The following TOPAZ1 variants were observed in gnomAD, a reference collection of about 807,000 sequenced individuals.
TOPAZ1 encodes the protein protein TOPAZ1.
In TOPAZ1, 66 loss-of-function variants were observed where a neutral mutation model predicts 172.2. That is an observed-to-expected ratio of 0.38 (90% CI 0.31 to 0.47). TOPAZ1 has a LOEUF of 0.47. Ranked by LOEUF, TOPAZ1 falls within the 20% of genes least tolerant of loss-of-function variation. TOPAZ1 has a pLI of 0.99. For missense variants in TOPAZ1, 1,822 were observed against 1,972.4 expected, an observed-to-expected ratio of 0.92 and a Z score of 1.44; for synonymous variants, 681 against 683.9, an observed-to-expected ratio of 1.00 and a Z score of 0.07.
At chr3:44,276,023 C>T (rs1699950754) in intron 8 of TOPAZ1, among the ~76,000 whole-genome samples, 2 of 150,920 alleles carry the variant, frequency 1.3e-5, no homozygotes, top group Admixed American at 1.3e-4. Flanking sequence ...CTGTTCATGT[C>T]CTTTGCCCAC....
intron 6 of TOPAZ1, among the ~76,000 whole-genome samples, chr3:44,268,514 C>A (rs1341080411): frequency 2.0e-5 from 3 of 151,786 alleles, no homozygotes; most frequent in Non-Finnish European, 4.4e-5. Context: ...GCTGGGATTA[C>A]AGGCACGCAC....
chr3:44,248,323 C>T (rs1233396397), intron 2 of TOPAZ1, among the ~76,000 whole-genome samples: 1 of 152,180 alleles, frequency 6.6e-6, no homozygotes, highest in Non-Finnish European at 1.5e-5. Context: ...GTGTTTATTT[C>T]AGATAGCTTT....
intron 8 of TOPAZ1, among the ~76,000 whole-genome samples, chr3:44,280,769 T>TG (rs1559535661): frequency 1.3e-5 from 2 of 152,214 alleles, no homozygotes; most frequent in Non-Finnish European, 2.9e-5. Context: ...GCTGAGTCAC[T>TG]GCCATTGGCT....
chr3:44,274,979 A>G (rs1559533810), intron 8 of TOPAZ1, among the ~76,000 whole-genome samples: 4 of 151,624 alleles, frequency 2.6e-5, no homozygotes, highest in South Asian at 4.1e-4. Flanking sequence ...TGTTACATCT[A>G]TGTGTGTGAT....
At chr3:44,308,277 C>G (rs965802803) in intron 15 of TOPAZ1, among the ~76,000 whole-genome samples, 1 of 138,984 alleles carries the variant, frequency 7.2e-6, no homozygotes, top group Non-Finnish European at 1.6e-5. Flanking sequence ...TCCCTCCCCC[C>G]TCCCCCAACC....
At chr3:44,272,500 G>A (rs575962407) in intron 8 of TOPAZ1, among the ~76,000 whole-genome samples, 1 of 152,270 alleles carries the variant, frequency 6.6e-6, no homozygotes, top group Admixed American at 6.5e-5. Flanking sequence ...GATTCATGAT[G>A]TTGAGCCTTT....
chr3:44,290,849 A>G lies in TOPAZ1; in HGVS notation c.3760A>G (p.Lys1254Glu). ...GCTTTTATACCAAGTACAAGCTTCC[A>G]AACAAGAAATAACTGCAGTTCTGGA... is the stretch of plus-strand genomic sequence containing the variant. ...VKLLYQVQAS[K>E]QEITAVLEMK... is the part of the protein sequence containing the mutation. The change falls in exon 12 of 20, where the codon AAA (lysine) becomes GAA (glutamate). Residue 1254 changes from lysine to glutamate, a missense_variant. Coordinates refer to ENST00000309765, the MANE Select transcript of TOPAZ1 (RefSeq NM_001145030.2). 1.3e-6 allele frequency: 2 copies of G among 1,549,668 alleles called. No homozygotes were observed. The highest frequency in any genetic ancestry group is 2.0e-5 in the Admixed American group (1 of 50,268).
chr3:44,263,490 T>C (rs1046232463), intron 5 of TOPAZ1, among the ~76,000 whole-genome samples: 1 of 152,228 alleles, frequency 6.6e-6, no homozygotes, highest in Non-Finnish European at 1.5e-5. Context: ...TCATAATTTC[T>C]ATTTCTTTGT....
At chr3:44,257,986 TA>T (rs965474047) in intron 4 of TOPAZ1, among the ~76,000 whole-genome samples, 22 of 151,240 alleles carry the variant, frequency 1.5e-4, no homozygotes, top group East Asian at 1.4e-3. Flanking sequence ...TTGATAATTC[TA>T]AAAAAAAACA....
At chr3:44,256,456 A>G (rs7639827) in intron 4 of TOPAZ1, among the ~76,000 whole-genome samples, 178 bp downstream of exon 4, 20,348 of 152,196 alleles carry the variant, frequency 0.13, 1,758 homozygotes, top group African/African-American at 0.23. Context: ...AGTATAAAAA[A>G]GATCTTCCTT....
intron 15 of TOPAZ1, among the ~76,000 whole-genome samples, chr3:44,309,017 T>C (rs1490187434): frequency 6.6e-6 from 1 of 152,152 alleles, no homozygotes; most frequent in East Asian, 1.9e-4. Flanking sequence ...TAAGACTTTT[T>C]CACATTTTTA....
intron 12 of TOPAZ1, among the ~76,000 whole-genome samples, chr3:44,299,987 G>C (rs1700250944): frequency 6.6e-6 from 1 of 151,012 alleles, no homozygotes; most frequent in South Asian, 2.1e-4. Flanking sequence ...AGCTTTAGGA[G>C]ATATACCTAA....
chr3:44,330,821 G>A (rs537662507), intron 19 of TOPAZ1, among the ~76,000 whole-genome samples: 3 of 152,314 alleles, frequency 2.0e-5, no homozygotes, highest in East Asian at 3.9e-4. Context: ...CTGACATACC[G>A]TGTGAATTTT....
chr3:44,273,621 C>G (rs546446001), intron 8 of TOPAZ1, among the ~76,000 whole-genome samples: 2 of 152,114 alleles, frequency 1.3e-5, no homozygotes, highest in African/African-American at 4.8e-5. Context: ...CACTGATGTA[C>G]CACCCCCCAT....
Position 44,244,447 on chromosome 3 carries a change from TGGTC to T in TOPAZ1, c.1942_1945del (p.Gly648ArgfsTer23), listed in dbSNP as rs1699534224. On this transcript the variant is annotated frameshift_variant, in exon 2 of 20. Transcript: ENST00000309765. LOFTEE classifies it high-confidence loss of function. ...TTAATTTGACAGCGACTTCCAAAGA[TGGTC>T]AGGAAGCAAATAACTCTGCAGGCAA... 6.4e-7 allele frequency: 1 copy of T among 1,551,546 alleles called. No individual in the cohort carries two copies. The highest frequency in any genetic ancestry group is 1.4e-5 in the African/African-American group (1 of 73,056).
rs1700317849 is a variant in TOPAZ1 at position 44,304,957 on chromosome 3, G to C, written c.3865-190G>C. The stretch of plus-strand genomic sequence containing the variant: ...ATTTATAGAGGCTTTACTATAGCCA[G>C]AAAAGCAAAGTTACAATAGTGTGTT... On this transcript the variant is annotated intron_variant, in intron 13 of 19. Transcript: ENST00000309765. Among the ~76,000 whole-genome samples the C allele has an allele frequency of 2.0e-5, 3 of 152,294 alleles. No homozygotes were observed. The South Asian group carries it at 6.2e-4, about 32-fold the overall frequency.
At chr3:44,262,601 T>C in intron 5 of TOPAZ1, 118 bp downstream of exon 5, 1 of 467,366 alleles carries the variant, frequency 2.1e-6, no homozygotes. Flanking sequence ...ATAAGCCATA[T>C]ATAGGTATAA....
At chr3:44,269,471 C>CTTTTTTTTTATTTTT (rs1699870125) in intron 7 of TOPAZ1, among the ~76,000 whole-genome samples, 170 bp downstream of exon 7, 1 of 33,916 alleles carries the variant, frequency 2.9e-5, no homozygotes, top group Non-Finnish European at 4.8e-5. Context: ...TCCCTATCAT[C>CTTTTTTTTTATTTTT]TTTTTTTTTT....
At chr3:44,316,078 TA>T (rs201380534) in intron 16 of TOPAZ1, among the ~76,000 whole-genome samples, 407 of 144,740 alleles carry the variant, frequency 2.8e-3, no homozygotes, top group Middle Eastern at 0.014. Context: ...CTATGAAATT[TA>T]AAAAAAAAAA....
Sources: gnomAD v4.1 joint callset for allele counts (sites outside exome capture counted in the v4.1 genomes callset) on GRCh38, gnomAD v4.1.1 for gene constraint, MANE v1.5 for transcripts, NCBI Gene and HGNC (gene_info 2026-07-23, HGNC 2026-07-21) for gene names.